The following KCNQ4 variants were observed in gnomAD, a reference collection of about 807,000 sequenced individuals.
The protein encoded by KCNQ4 is potassium voltage-gated channel subfamily KQT member 4.
In KCNQ4, 31 loss-of-function variants were observed where a neutral mutation model predicts 72.6. The observed-to-expected ratio is 0.43, with a 90% CI of 0.32 to 0.58. KCNQ4 has a LOEUF of 0.58. Ranked by LOEUF, KCNQ4 falls within the 20% of genes least tolerant of loss-of-function variation. The pLI, the probability that KCNQ4 is intolerant of heterozygous loss-of-function variation, is 0.08. For synonymous variants in KCNQ4, 405 were observed against 403.7 expected, an observed-to-expected ratio of 1.00 and a Z score of -0.04; for missense variants, 869 against 962.6, an observed-to-expected ratio of 0.90 and a Z score of 1.29.
Position 40,807,515 on chromosome 1 carries a change from C to T in KCNQ4, c.315-9750C>T, listed in dbSNP as rs1647800646. ...CGCTGGATCAGGGGAAACTTCTCCT[C>T]CCAGCCCCTGAGGATTCTTGGAAAG... On this transcript the variant is annotated intron_variant, in intron 1 of 13. Coordinates refer to ENST00000347132, the MANE Select transcript of KCNQ4 (RefSeq NM_004700.4). Among the ~76,000 whole-genome samples, 3 of 152,154 alleles carry T rather than the reference C, an allele frequency of 2.0e-5. No individual in the cohort carries two copies. The South Asian group carries it at 6.2e-4, about 32-fold the overall frequency.
chr1:40,785,315 A>G (rs1420273535), intron 1 of KCNQ4, among the ~76,000 whole-genome samples: 1 of 152,166 alleles, frequency 6.6e-6, no homozygotes, highest in Non-Finnish European at 1.5e-5. Context: ...GGAACATGAG[A>G]GGCCCCGCAG....
chr1:40,784,511 G>T lies in KCNQ4; in HGVS notation c.314+104G>T. 9.0e-7 allele frequency: 1 copy of T among 1,113,468 alleles called. No individual in the cohort carries two copies. The highest frequency in any genetic ancestry group is 1.3e-6 in the Non-Finnish European group (1 of 748,210). 69.0% of individuals were successfully genotyped at this position (1,113,468 alleles called of 1,614,324 possible). A position where few individuals can be genotyped will look rare whatever the true frequency, so the allele number is the denominator to read the frequency against. On this transcript the variant is annotated intron_variant, in intron 1 of 13. Coordinates refer to ENST00000347132, the MANE Select transcript of KCNQ4 (RefSeq NM_004700.4). The surrounding 1 kb of genome is among the most constrained non-coding windows in gnomAD (Gnocchi z 4.1). ...TCCGCCTTCTACCCCCCTGCCTCAG[G>T]GCCGACCCTCATCTCTCTCCCCCCA...
chr1:40,824,269 C>G lies in KCNQ4; in HGVS notation c.1292+11C>G, dbSNP rs760293256. 4 of 1,603,758 alleles carry G rather than the reference C, an allele frequency of 2.5e-6. No individual in the cohort carries two copies. The South Asian group carries it at 3.3e-5, about 13-fold the overall frequency. On this transcript the variant is annotated intron_variant, in intron 9 of 13. Coordinates refer to ENST00000347132, the MANE Select transcript of KCNQ4 (RefSeq NM_004700.4). ...CTGCCCTGGGGAAAGGTAGGGGCCC[C>G]GTGGGGCTGCCACCTCCTCTTGCTT...
At chr1:40,790,434 T>C (rs904416456) in intron 1 of KCNQ4, among the ~76,000 whole-genome samples, 3 of 152,036 alleles carry the variant, frequency 2.0e-5, no homozygotes, top group South Asian at 2.1e-4. Flanking sequence ...CTGGAGAGAA[T>C]AGGAGCTATG....
At chr1:40,819,578 C>T in intron 5 of KCNQ4, 106 bp downstream of exon 5, 5 of 1,469,840 alleles carry the variant, frequency 3.4e-6, no homozygotes, top group Non-Finnish European at 4.7e-6. Context: ...GCGGGCCTGC[C>T]CCTGCCCTCT....
rs1348728722 is a variant in KCNQ4, at chr1:40,784,695, G to A, written c.314+288G>A. 1.3e-5 allele frequency among the ~76,000 whole-genome samples: 2 copies of A among 152,136 alleles called. No homozygotes were observed. Among genetic ancestry groups the A allele is most frequent in the Admixed American group, 1.3e-4 (2 of 15,290 alleles). On this transcript the variant is annotated intron_variant, in intron 1 of 13. Coordinates refer to ENST00000347132, the MANE Select transcript of KCNQ4 (RefSeq NM_004700.4). The surrounding 1 kb of genome is among the most constrained non-coding windows in gnomAD (Gnocchi z 4.1). ...CTGCTCCTCTGTCCCAGGTACTCCCGACCGCCAGCTGCCTCCCCCAAGTCC... is the reference window on the plus strand; with the variant it reads ...CTGCTCCTCTGTCCCAGGTACTCCCAACCGCCAGCTGCCTCCCCCAAGTCC...
chr1:40,800,293 C>T (rs1344244969), intron 1 of KCNQ4, among the ~76,000 whole-genome samples: 3 of 152,124 alleles, frequency 2.0e-5, no homozygotes, highest in Non-Finnish European at 4.4e-5. Context: ...TAGCAAGGGG[C>T]TGGCTGTCCC....
At chr1:40,789,678 G>A (rs1052453856) in intron 1 of KCNQ4, among the ~76,000 whole-genome samples, 1 of 152,152 alleles carries the variant, frequency 6.6e-6, no homozygotes, top group Non-Finnish European at 1.5e-5. Context: ...CATTGAAGAC[G>A]CGCTGCTAGA....
At chr1:40,834,623 T>A (rs1648756064) in intron 11 of KCNQ4, among the ~76,000 whole-genome samples, 1 of 151,072 alleles carries the variant, frequency 6.6e-6, no homozygotes, top group Non-Finnish European at 1.5e-5. Flanking sequence ...GAGTTATTGA[T>A]GTGCCTGCCC....
In KCNQ4 at chr1:40,824,102, T is replaced by C. The variant is rs1170528770; in HGVS notation, c.1136T>C (p.Leu379Pro). Residue 379 changes from leucine to proline, a missense_variant, in exon 9 of 14, where the codon CTG becomes CCG. Leu to Pro is a moderately conservative substitution (Grantham distance 98). Coordinates refer to ENST00000347132, the MANE Select transcript of KCNQ4 (RefSeq NM_004700.4). ...YDSILPSFRE[L>P]ALLFEHVQRA... is the part of the protein sequence containing the mutation. ...GATGGTGCCCTCTCCTGCAGAGAGCTGGCCCTCTTGTTTGAGCACGTGCAA... is the reference window on the plus strand; with the variant it reads ...GATGGTGCCCTCTCCTGCAGAGAGCCGGCCCTCTTGTTTGAGCACGTGCAA... 4 of 1,552,638 alleles carry C rather than the reference T, an allele frequency of 2.6e-6. No individual in the cohort carries two copies. The highest frequency in any genetic ancestry group is 3.5e-6 in the Non-Finnish European group (4 of 1,148,408).
At position 40,838,360 on chromosome 1, in the gene KCNQ4, G is replaced by A; in HGVS notation, c.1925G>A (p.Arg642His). 6.2e-7 allele frequency: 1 copy of A among 1,613,844 alleles called. No homozygotes were observed. ...KLDLLLGFYS[R>H]CLRSGTSASL... is the part of the protein sequence containing the mutation. ...GACCTGCTGTTGGGCTTCTATTCGCGCTGCCTGCGCTCTGGCACCTCGGCC... is the reference window on the plus strand; with the variant it reads ...GACCTGCTGTTGGGCTTCTATTCGCACTGCCTGCGCTCTGGCACCTCGGCC... The change falls in exon 14 of 14, where the codon CGC (arginine) becomes CAC (histidine). Residue 642 changes from arginine to histidine, a missense_variant. Arg to His is a conservative substitution (Grantham distance 29, BLOSUM62 0). Coordinates refer to ENST00000347132, the MANE Select transcript of KCNQ4 (RefSeq NM_004700.4).
intron 8 of KCNQ4, among the ~76,000 whole-genome samples, chr1:40,823,348 A>C (rs1168118388): frequency 6.6e-6 from 1 of 151,808 alleles, no homozygotes; most frequent in East Asian, 1.9e-4. Context: ...ATTAGAAGAG[A>C]GGCCTTTTGT....
chr1:40,790,427 G>T (rs2148833630), intron 1 of KCNQ4, among the ~76,000 whole-genome samples: 1 of 152,272 alleles, frequency 6.6e-6, no homozygotes. Flanking sequence ...GTCTGCTCTG[G>T]AGAGAATAGG....
Position 40,831,253 on chromosome 1 carries a change from C to A in KCNQ4, c.1462C>A (p.Arg488Ser), listed in dbSNP as rs557521797. The A allele has an allele frequency of 6.2e-7, 1 of 1,608,796 alleles. No individual in the cohort carries two copies. The highest frequency in any genetic ancestry group is 1.7e-5 in the Admixed American group (1 of 59,274). Residue 488 changes from arginine to serine, a missense_variant, in exon 10 of 14, where the codon CGC becomes AGC. By Grantham distance (110) the Arg-to-Ser change is moderately radical. Coordinates refer to ENST00000347132, the MANE Select transcript of KCNQ4 (RefSeq NM_004700.4). ...GCAAAAGAGCTGGAGCTTCAATGAC[C>A]GCACCCGCTTCCGGGCATCTCTGAG... ...KVQKSWSFND[R>S]TRFRASLRLK...
At chr1:40,834,255 G>A (rs1648744217) in intron 11 of KCNQ4, among the ~76,000 whole-genome samples, 1 of 152,092 alleles carries the variant, frequency 6.6e-6, no homozygotes. Flanking sequence ...TCAGGCAGTG[G>A]CACCACCATC....
At chr1:40,820,756 G>A (rs1486704978) in intron 7 of KCNQ4, among the ~76,000 whole-genome samples, 1 of 152,250 alleles carries the variant, frequency 6.6e-6, no homozygotes. Context: ...GCTGGGCAAG[G>A]AGACAGAAGG....
chr1:40,819,772 G>C (rs1448594975), intron 5 of KCNQ4, 103 bp from the exon 6 acceptor site: 1 of 1,014,440 alleles, frequency 9.9e-7, no homozygotes, highest in Non-Finnish European at 1.6e-6. Flanking sequence ...TGGGTGACCA[G>C]GGGCCCCTTC....
rs1255322959 is a variant in KCNQ4, at chr1:40,824,231, G to A, written c.1265G>A (p.Gly422Asp). 2.5e-6 allele frequency: 4 copies of A among 1,608,342 alleles called. No individual in the cohort carries two copies. The highest frequency in any genetic ancestry group is 3.4e-6 in the Non-Finnish European group (4 of 1,178,156). ...YPPVATCHRP[G>D]STSFCPGESS... ...CCCGTTGCCACCTGCCACCGGCCGG[G>A]CAGCACCTCCTTCTGCCCTGGGGAA... Residue 422 changes from glycine to aspartate, a missense_variant, in exon 9 of 14, where the codon GGC becomes GAC. Gly to Asp is a moderately conservative substitution (Grantham distance 94). Around this residue, in one of 5 missense-constraint regions of KCNQ4, gnomAD observed 480 missense variants for 501.9 expected, o/e 0.96. Transcript: ENST00000347132.
chr1:40,833,033 A>C lies in KCNQ4; in HGVS notation c.1533A>C (p.Val511=). 1 of 1,613,324 alleles carries C rather than the reference A, an allele frequency of 6.2e-7. No individual in the cohort carries two copies. Among genetic ancestry groups the C allele is most frequent in the Non-Finnish European group, 8.5e-7 (1 of 1,179,726 alleles). ...TSAEDAPSEE[V]AEEKSYQCEL... ...TTTCAGATGCCCCCTCAGAGGAAGT[A>C]GCAGAGGAGAAGAGCTACCAGTGTG... is the stretch of plus-strand genomic sequence containing the variant. The change falls in exon 11 of 14, where the codon GTA becomes GTC. Residue 511 remains valine (V), a synonymous_variant. Coordinates refer to ENST00000347132, the MANE Select transcript of KCNQ4 (RefSeq NM_004700.4).
Sources: gnomAD v4.1 joint callset for allele counts (sites outside exome capture counted in the v4.1 genomes callset) on GRCh38, gnomAD v4.1.1 for gene constraint, gnomAD v4.1.1 regional missense constraint, Gnocchi (gnomAD v3.1) non-coding constraint, MANE v1.5 for transcripts, NCBI Gene and HGNC (gene_info 2026-07-23, HGNC 2026-07-21) for gene names.